Variants in POMT1 observed in about 807,000 individuals in gnomAD.
POMT1 encodes protein O-mannosyl-transferase 1.
Under a neutral mutation model 101.6 loss-of-function variants are expected in POMT1, and 85 were observed. The ratio of observed to expected loss-of-function variants is 0.84; its 90% CI spans 0.70 to 1.00. The LOEUF (loss-of-function observed/expected upper bound fraction) is 1.00, where lower values mean the gene tolerates loss of function less well. Among genes scored for constraint, POMT1 ranks in the 50% least tolerant of loss-of-function variants. The probability of loss-of-function intolerance (pLI) is 0.00; values close to 1 mark genes in which losing one functional copy is unlikely to be tolerated. For synonymous variants in POMT1, 371 were observed against 383.0 expected (o/e 0.97, Z 0.37); for missense variants, 857 against 930.4 (o/e 0.92, Z 1.03).
chr9:131,510,401 C>T lies in POMT1; in HGVS notation c.841C>T (p.Gln281Ter), dbSNP rs119462981. 6.2e-7 allele frequency: 1 copy of T among 1,614,064 alleles called. No individual in the cohort carries two copies. Among genetic ancestry groups the T allele is most frequent in the Non-Finnish European group, 8.5e-7 (1 of 1,180,000 alleles). ...PHDQIMSSAF[Q>*]ASLEGGLARI... ...CGACCAAATCATGTCCAGTGCCTTC[C>T]AGGCCAGCTTAGAGGTAAGTAAGCA... The change falls in exon 9 of 20, where the codon CAG becomes TAG. Residue 281 changes from glutamine to a stop codon, truncating the protein, a stop_gained. Transcript: ENST00000402686. LOFTEE classifies it high-confidence loss of function.
rs1950355804 is a variant in POMT1 at position 131,523,467 on chromosome 9, G to A, written c.*361G>A. 3.0e-6 allele frequency: 1 copy of A among 336,506 alleles called. No individual in the cohort carries two copies. The allele number at this position is 336,506 out of a possible 1,614,324, so 20.8% of individuals were successfully genotyped here. ...GGTCCTTGCTAACTGCTGCAGGGTG[G>A]AGTTTGATCTGGCAGACCCGATCCT... is the stretch of plus-strand genomic sequence containing the variant. On this transcript the variant is annotated 3_prime_UTR_variant, in exon 20 of 20. Coordinates refer to ENST00000402686, the MANE Select transcript of POMT1 (RefSeq NM_001077365.2).
chr9:131,518,628 CG>C, intron 14 of POMT1, 91 bp downstream of exon 14: 3 of 1,418,604 alleles, frequency 2.1e-6, no homozygotes, highest in Non-Finnish European at 3.0e-6. Context: ...TCTCTGCAGG[CG>C]GAACGCTTCA....
chr9:131,519,432 G>T lies in POMT1; in HGVS notation c.1530G>T (p.Ala510=). ...GGGAACGGGAGCTGCACTCACCTGC[G>T]CAGGTGGACGTCAGCAGGAACCTCA... is the stretch of plus-strand genomic sequence containing the variant. ...RERERELHSP[A]QVDVSRNLSF... The change falls in exon 16 of 20, where the codon GCG becomes GCT. Residue 510 remains alanine (A), a synonymous_variant. Coordinates refer to ENST00000402686, the MANE Select transcript of POMT1 (RefSeq NM_001077365.2). This position sits in a 1 kb window ranked among gnomAD's most constrained non-coding sequence, Gnocchi z 4.3. The T allele has an allele frequency of 6.4e-7, 1 of 1,551,868 alleles. No homozygotes were observed. Among genetic ancestry groups the T allele is most frequent in the Non-Finnish European group, 8.7e-7 (1 of 1,147,198 alleles).
rs1481940320 is a variant in POMT1 at position 131,522,159 on chromosome 9, C to T, written c.1938C>T (p.Pro646=). Residue 646 remains proline, a synonymous_variant, in exon 19 of 20, where the codon CCC becomes CCT. Coordinates refer to ENST00000402686, the MANE Select transcript of POMT1 (RefSeq NM_001077365.2). This position sits in a 1 kb window ranked among gnomAD's most constrained non-coding sequence, Gnocchi z 5.5. ...CACTCTTCCTCTACCACTACCTGCC[C>T]GCACTCACCTTCCAAATCCTTCTGC... ...EKTLFLYHYL[P]ALTFQILLLP... 18 of 1,614,168 alleles carry T rather than the reference C, an allele frequency of 1.1e-5. No individual in the cohort carries two copies. Among genetic ancestry groups the T allele is most frequent in the Admixed American group, 3.3e-5 (2 of 60,028 alleles).
chr9:131,504,175 C>T lies in POMT1; in HGVS notation c.-30-14C>T. Reference sequence around the variant, plus strand: ...TGAGCCCTCATGGACCACGGCTCCTCCCTTCTTTTCTAGGGCGTCTGCCTG... The same window carrying T: ...TGAGCCCTCATGGACCACGGCTCCTTCCTTCTTTTCTAGGGCGTCTGCCTG... On this transcript the variant is annotated splice_polypyrimidine_tract_variant and intron_variant, in intron 1 of 19. Transcript: ENST00000402686. The T allele has an allele frequency of 3.7e-6, 6 of 1,613,862 alleles. 1 individual carries two copies. In the South Asian group the frequency reaches 5.5e-5, roughly 15 times the overall value.
chr9:131,517,987 C>T (rs1949087237), intron 13 of POMT1, among the ~76,000 whole-genome samples: 1 of 152,224 alleles, frequency 6.6e-6, no homozygotes, highest in African/African-American at 2.4e-5. Flanking sequence ...AGGCAAAGTG[C>T]CTTTCAGATG....
In POMT1 at chr9:131,507,522, C is replaced by T. The variant is rs201727519; in HGVS notation, c.427+8C>T. On this transcript the variant is annotated splice_region_variant and intron_variant, in intron 5 of 19. Transcript: ENST00000402686. ...CTCTGTTGATGCTTATCGGTAAGACCTGCGCCCCTGCCTGCTCTTGCTGTC... is the reference window on the plus strand; with the variant it reads ...CTCTGTTGATGCTTATCGGTAAGACTTGCGCCCCTGCCTGCTCTTGCTGTC... 1.2e-6 allele frequency: 2 copies of T among 1,613,926 alleles called. No individual in the cohort carries two copies. Among genetic ancestry groups the T allele is most frequent in the Non-Finnish European group, 1.7e-6 (2 of 1,180,016 alleles).
chr9:131,514,781 C>T (rs1365543771), intron 12 of POMT1, among the ~76,000 whole-genome samples: 1 of 152,176 alleles, frequency 6.6e-6, no homozygotes, highest in East Asian at 1.9e-4. Context: ...CATGGTGAAA[C>T]CCCGTCTCTA....
At position 131,518,910 on chromosome 9, in the gene POMT1, A is replaced by C; in HGVS notation, c.1439A>C (p.Tyr480Ser). The change falls in exon 15 of 20, where the codon TAC becomes TCC. Residue 480 changes from tyrosine to serine, a missense_variant. By Grantham distance (144) the Tyr-to-Ser change is moderately radical. Transcript: ENST00000402686. ...GTCGGGGAGAAGCTGTCCCGGGGCT[A>C]CCACGGGAGCACGGTGTGGAACGTG... The part of the protein sequence containing the change: ...EIVGEKLSRG[Y>S]HGSTVWNVEE... 2 of 1,613,768 alleles carry C rather than the reference A, an allele frequency of 1.2e-6. No individual in the cohort carries two copies. The highest frequency in any genetic ancestry group is 1.7e-6 in the Non-Finnish European group (2 of 1,180,026).
At chr9:131,516,163 C>G in intron 13 of POMT1, among the ~76,000 whole-genome samples, 1 of 82,168 alleles carries the variant, frequency 1.2e-5, no homozygotes. Flanking sequence ...GACACTCTCA[C>G]ACTCACACGG....
Position 131,522,846 on chromosome 9 carries a change from G to A in POMT1, c.2004-86G>A, listed in dbSNP as rs187107794. 1.7e-3 allele frequency: 2,299 copies of A among 1,371,072 alleles called. 25 individuals are homozygous for A. In the Admixed American group the frequency reaches 0.025, roughly 15 times the overall value. 84.9% of individuals were successfully genotyped at this position (1,371,072 alleles called of 1,614,324 possible). On this transcript the variant is annotated intron_variant, in intron 19 of 19. Coordinates refer to ENST00000402686, the MANE Select transcript of POMT1 (RefSeq NM_001077365.2). The surrounding 1 kb of genome is among the most constrained non-coding windows in gnomAD (Gnocchi z 5.5). ...GAACCCCAGGCCTCGGGGGGTGACC[G>A]TGTGGACAGCAGATGCCAAGAGGGT...
Position 131,504,260 on chromosome 9 carries a change from C to T in POMT1, c.42C>T (p.Asp14=), listed in dbSNP as rs150937126. 132 of 1,614,188 alleles carry T rather than the reference C, an allele frequency of 8.2e-5. 1 individual carries two copies. The African/African-American group carries it at 1.4e-3, about 17-fold the overall frequency. Reference sequence around the variant, plus strand: ...AGCGCCCTGTAGTGGTGACGGCTGACATCAACTTGAGCCTTGTGGCCCTGA... The same window carrying T: ...AGCGCCCTGTAGTGGTGACGGCTGATATCAACTTGAGCCTTGTGGCCCTGA... ...FLKRPVVVTA[D]INLSLVALTG... is the part of the protein sequence containing the mutation. The change falls in exon 2 of 20, where the codon GAC becomes GAT. Residue 14 remains aspartate (D), a synonymous_variant. Transcript: ENST00000402686.
chr9:131,510,436 G>A (rs367864450), intron 9 of POMT1, 21 bp downstream of exon 9: 275 of 1,609,452 alleles, frequency 1.7e-4, no homozygotes, highest in Non-Finnish European at 2.2e-4. Context: ...AGTGGGCATC[G>A]TGGCCACTGG....
rs1356866597 is a variant in POMT1, at chr9:131,519,603, G to A, written c.1584+117G>A. ...TCAGGCTTTGACGCTGGAGCTACAG[G>A]CTCACAACAGAATGAGTGTCTCCTC... On this transcript the variant is annotated intron_variant, in intron 16 of 19. Transcript: ENST00000402686. The surrounding 1 kb of genome is among the most constrained non-coding windows in gnomAD (Gnocchi z 4.3). 2 of 979,262 alleles carry A rather than the reference G, an allele frequency of 2.0e-6. No individual in the cohort carries two copies. The highest frequency in any genetic ancestry group is 3.1e-6 in the Non-Finnish European group (2 of 641,270). The allele number at this position is 979,262 out of a possible 1,614,324, so 60.7% of individuals were successfully genotyped here. A position where few individuals can be genotyped will look rare whatever the true frequency, so the allele number is the denominator to read the frequency against.
Position 131,503,646 on chromosome 9 carries a change from G to T in POMT1, c.-30-543G>T, listed in dbSNP as rs1424135717. Among the ~76,000 whole-genome samples, 2 of 152,194 alleles carry T rather than the reference G, an allele frequency of 1.3e-5. No homozygotes were observed. The highest frequency in any genetic ancestry group is 2.1e-4 in the South Asian group (1 of 4,824). The stretch of plus-strand genomic sequence containing the variant: ...GAAGCCTGGAGGAGAACGTGGGGGC[G>T]CAGGGTGCAAATGCACCCTCCAGGC... On this transcript the variant is annotated intron_variant, in intron 1 of 19. Coordinates refer to ENST00000402686, the MANE Select transcript of POMT1 (RefSeq NM_001077365.2). The surrounding 1 kb of genome is among the most constrained non-coding windows in gnomAD (Gnocchi z 4.4).
rs926445689 is a variant in POMT1 at position 131,520,899 on chromosome 9, G to C, written c.1699-447G>C. ...GCTCTGTCATCCAGGCTGGAGTACA[G>C]TGGCGTGATCTTGGCTCACTGCAAC... On this transcript the variant is annotated intron_variant, in intron 17 of 19. Transcript: ENST00000402686. 4.6e-5 allele frequency among the ~76,000 whole-genome samples: 7 copies of C among 152,368 alleles called. No individual in the cohort carries two copies. The South Asian group carries it at 6.2e-4, about 14-fold the overall frequency.
chr9:131,521,159 A>G (rs1949843672), intron 17 of POMT1, 187 bp from the exon 18 acceptor site: 1 of 761,284 alleles, frequency 1.3e-6, no homozygotes, highest in South Asian at 1.5e-5. Context: ...AGTGCTTTTA[A>G]TGAAAGGTCT....
chr9:131,521,567 C>T (rs1949922232), intron 18 of POMT1, 95 bp downstream of exon 18: 29 of 1,424,366 alleles, frequency 2.0e-5, no homozygotes, highest in South Asian at 3.5e-5. Flanking sequence ...TGGGCTTAAG[C>T]GATCCTCCTG....
rs1362722989 is a variant in POMT1 at position 131,522,604 on chromosome 9, G to C, written c.2004-328G>C. Reference sequence around the variant, plus strand: ...AGAACCCAAGAAAGCTTCTAAACCAGAGTGTGTTTGGAGGTTGGAGCAGAG... The same window carrying C: ...AGAACCCAAGAAAGCTTCTAAACCACAGTGTGTTTGGAGGTTGGAGCAGAG... On this transcript the variant is annotated intron_variant, in intron 19 of 19. Coordinates refer to ENST00000402686, the MANE Select transcript of POMT1 (RefSeq NM_001077365.2). This position sits in a 1 kb window ranked among gnomAD's most constrained non-coding sequence, Gnocchi z 5.5. The C allele has an allele frequency of 3.2e-5, 17 of 531,170 alleles. No homozygotes were observed. Among genetic ancestry groups the C allele is most frequent in the Non-Finnish European group, 5.4e-5 (16 of 294,250 alleles). The allele number at this position is 531,170 out of a possible 1,614,324, so 32.9% of individuals were successfully genotyped here.
Sources: allele counts gnomAD v4.1 joint callset (sites outside exome capture counted in the v4.1 genomes callset), GRCh38; gene constraint gnomAD v4.1.1; non-coding constraint Gnocchi (gnomAD v3.1); transcripts MANE v1.5; gene names NCBI Gene and HGNC (gene_info 2026-07-23, HGNC 2026-07-21).